The following HACL1 variants were observed in gnomAD, a reference collection of about 807,000 sequenced individuals.
HACL1 encodes the protein 1600020H07Rik.
In HACL1, 64 loss-of-function variants were observed where a neutral mutation model predicts 74.2. The observed-to-expected ratio is 0.86, with a 90% CI of 0.70 to 1.06. The LOEUF is 1.06. Ranked by LOEUF, HACL1 falls within the 50% of genes least tolerant of loss-of-function variation. The probability of loss-of-function intolerance (pLI) is 0.00; values close to 1 mark genes in which losing one functional copy is unlikely to be tolerated. For synonymous variants in HACL1, 230 were observed against 238.8 expected (o/e 0.96, Z 0.34); for missense variants, 728 against 719.7 (o/e 1.01, Z -0.13).
chr3:15,601,268 C>T (rs762871238), intron 1 of HACL1, 74 bp from the exon 2 acceptor site: 39 of 1,547,772 alleles, frequency 2.5e-5, no homozygotes, highest in Non-Finnish European at 3.2e-5. Flanking sequence ...CCCTCCCGGG[C>T]GCTAAAAGGA....
intron 3 of HACL1, 86 bp downstream of exon 3, chr3:15,596,298 C>T: frequency 1.3e-6 from 1 of 743,432 alleles, no homozygotes; most frequent in South Asian, 1.5e-5. Context: ...ATAATCTTTC[C>T]AAATGAACTC....
chr3:15,571,820 C>CTTTTCTTTTTTTTT (rs2063536411), intron 11 of HACL1, 51 bp from the exon 12 acceptor site: 1 of 305,462 alleles, frequency 3.3e-6, no homozygotes. Context: ...TTTTCTTTGC[C>CTTTTCTTTTTTTTT]TTTTTTTTCT....
intron 3 of HACL1, among the ~76,000 whole-genome samples, chr3:15,592,289 T>TATGGATCCATATATAC (rs2063935430): frequency 3.0e-4 from 45 of 148,542 alleles, no homozygotes; most frequent in African/African-American, 1.1e-3. Flanking sequence ...TACGTGTATA[T>TATGGATCCATATATAC]GTATACATAC....
Position 15,579,959 on chromosome 3 carries a change from C to T in HACL1, c.754G>A (p.Gly252Ser). The change falls in exon 9 of 17, where the codon GGT becomes AGT. Residue 252 changes from glycine (G) to serine (S), a missense_variant. Transcript: ENST00000321169. ...LPFLPTPMGK[G>S]VVPDNHPYCV... ...TATGGATGGTTGTCAGGGACAACAC[C>T]CTTCCCCATAGGGGTGGGCAAAAAT... is the stretch of plus-strand genomic sequence containing the variant. The T allele has an allele frequency of 3.1e-6, 5 of 1,610,794 alleles. No individual in the cohort carries two copies. Among genetic ancestry groups the T allele is most frequent in the Non-Finnish European group, 3.4e-6 (4 of 1,177,118 alleles).
intron 3 of HACL1, among the ~76,000 whole-genome samples, chr3:15,592,040 TACAC>T (rs1333415556): frequency 5.8e-5 from 8 of 136,850 alleles, no homozygotes; most frequent in African/African-American, 1.7e-4. Context: ...TACGTATATA[TACAC>T]ACACTATATA....
intron 14 of HACL1, among the ~76,000 whole-genome samples, chr3:15,566,482 T>C (rs563483786): frequency 6.6e-6 from 1 of 152,152 alleles, no homozygotes; most frequent in Non-Finnish European, 1.5e-5. Flanking sequence ...GGCAAAGCCC[T>C]GTCTCTACAA....
rs772746261 is a variant in HACL1 at position 15,563,441 on chromosome 3, AT to A, written c.1620del (p.Lys540AsnfsTer3). ...YFVQTPEELQKSLRQSLADTT... is the reference protein window; with the variant it reads ...YFVQTPEELQXSLRQSLADTT... Reference sequence around the variant, plus strand: ...GTGTCTGCTAGGCTCTGCCTCAGGGATTTTTGGAGTTCTTCTGGTGTTTGTA... The same window carrying A: ...GTGTCTGCTAGGCTCTGCCTCAGGGATTTTGGAGTTCTTCTGGTGTTTGTA... On this transcript the variant is annotated frameshift_variant, in exon 16 of 17. Transcript: ENST00000321169. LOFTEE classifies it high-confidence loss of function. 3 of 1,612,200 alleles carry A rather than the reference AT, an allele frequency of 1.9e-6. No homozygotes were observed.
intron 14 of HACL1, 58 bp downstream of exon 14, chr3:15,567,784 TTG>T (rs2063462207): frequency 5.5e-6 from 8 of 1,466,604 alleles, no homozygotes; most frequent in Non-Finnish European, 7.6e-6. Flanking sequence ...TGACTGGGTC[TTG>T]TGTGTCATTT....
Position 15,562,951 on chromosome 3 carries a change from C to T in HACL1, c.1704+407G>A, listed in dbSNP as rs186176327. 4.7e-5 allele frequency among the ~76,000 whole-genome samples: 7 copies of T among 147,562 alleles called. No individual in the cohort carries two copies. In the East Asian group the frequency reaches 8.5e-4, roughly 18 times the overall value. The stretch of plus-strand genomic sequence containing the variant: ...AGTCTCTGCTTATCCTTCTGATCTC[C>T]GTTTAAGAATCACCTCCTCTGAGAA... On this transcript the variant is annotated intron_variant, in intron 16 of 16. Coordinates refer to ENST00000321169, the MANE Select transcript of HACL1 (RefSeq NM_012260.4).
chr3:15,584,591 T>C (rs940625154), intron 7 of HACL1, among the ~76,000 whole-genome samples: 12 of 151,512 alleles, frequency 7.9e-5, no homozygotes, highest in African/African-American at 1.7e-4. Flanking sequence ...CAGTCTCAAA[T>C]TGAAAAAAAA....
chr3:15,588,682 C>T (rs1309812283), intron 5 of HACL1, among the ~76,000 whole-genome samples: 1 of 152,116 alleles, frequency 6.6e-6, no homozygotes, highest in Non-Finnish European at 1.5e-5. Context: ...CATTTGGGCT[C>T]CAGCAATTCT....
intron 9 of HACL1, among the ~76,000 whole-genome samples, chr3:15,578,863 A>C (rs1033913522): frequency 6.6e-6 from 1 of 152,184 alleles, no homozygotes; most frequent in Non-Finnish European, 1.5e-5. Flanking sequence ...ATAAGGGAGC[A>C]GCAAGAGCCA....
At chr3:15,586,704 G>A (rs2063801168) in intron 5 of HACL1, 102 bp from the exon 6 acceptor site, 2 of 695,862 alleles carry the variant, frequency 2.9e-6, no homozygotes, top group South Asian at 3.4e-5. Flanking sequence ...ATGTTTAGAG[G>A]CAAGATGGAG....
chr3:15,579,249 A>G (rs77963611), intron 9 of HACL1, among the ~76,000 whole-genome samples: 3,885 of 152,330 alleles, frequency 0.026, 139 homozygotes, highest in African/African-American at 0.078. Flanking sequence ...GAAAAATGTG[A>G]TCAACTCTCA....
intron 12 of HACL1, 36 bp from the exon 13 acceptor site, chr3:15,568,622 G>A: frequency 1.7e-6 from 2 of 1,173,640 alleles, no homozygotes; most frequent in Non-Finnish European, 2.5e-6. Context: ...AAATTAAATT[G>A]GGATACAATG....
intron 8 of HACL1, among the ~76,000 whole-genome samples, chr3:15,582,064 T>C (rs1054083613): frequency 1.3e-5 from 2 of 152,232 alleles, no homozygotes; most frequent in Non-Finnish European, 2.9e-5. Context: ...TCAATTTTTT[T>C]GTCATACACT....
chr3:15,577,907 G>A (rs1056420056), intron 9 of HACL1, among the ~76,000 whole-genome samples: 1 of 151,896 alleles, frequency 6.6e-6, no homozygotes, highest in Non-Finnish European at 1.5e-5. Flanking sequence ...GACCATCCTG[G>A]CTAACACAGT....
At chr3:15,568,243 A>G (rs1407770836) in intron 13 of HACL1, among the ~76,000 whole-genome samples, 189 bp downstream of exon 13, 1 of 152,254 alleles carries the variant, frequency 6.6e-6, no homozygotes, top group East Asian at 1.9e-4. Context: ...GTAAACAATT[A>G]TCATGATACC....
intron 5 of HACL1, among the ~76,000 whole-genome samples, chr3:15,587,798 A>T (rs1177889545): frequency 6.6e-6 from 1 of 152,184 alleles, no homozygotes; most frequent in Non-Finnish European, 1.5e-5. Context: ...CTTATACTAG[A>T]GTTCAGTATT....
Sources: gnomAD v4.1 joint callset for allele counts (sites outside exome capture counted in the v4.1 genomes callset) on GRCh38, gnomAD v4.1.1 for gene constraint, MANE v1.5 for transcripts, NCBI Gene and HGNC (gene_info 2026-07-23, HGNC 2026-07-21) for gene names.